EPHA6: variants seen among roughly 807,000 people sequenced by gnomAD.
EPHA6 encodes the protein EPH receptor A6.
In EPHA6, 50 loss-of-function variants were observed where a neutral mutation model predicts 112.0. That is an observed-to-expected ratio of 0.45 (90% CI 0.36 to 0.56). The LOEUF (loss-of-function observed/expected upper bound fraction) is 0.56. EPHA6 is among the 20% of genes least tolerant of loss of function. The probability of loss-of-function intolerance (pLI) is 0.00; values close to 1 mark genes in which losing one functional copy is unlikely to be tolerated. For missense variants in EPHA6, 1,280 were observed against 1,417.4 expected (o/e 0.90, Z 1.56); for synonymous variants, 529 against 490.7 (o/e 1.08, Z -1.03).
intron 3 of EPHA6, among the ~76,000 whole-genome samples, chr3:97,165,892 T>G (rs1463037948): frequency 2.6e-5 from 4 of 152,176 alleles, no homozygotes; most frequent in African/African-American, 7.2e-5. Flanking sequence ...TTGCATTGTG[T>G]CTTGTCCCTA....
intron 4 of EPHA6, among the ~76,000 whole-genome samples, chr3:97,229,048 G>A (rs1285529371): frequency 6.6e-6 from 1 of 152,008 alleles, no homozygotes; most frequent in African/African-American, 2.4e-5. Flanking sequence ...CATGTCCTTT[G>A]CCAACTTTTT....
chr3:97,441,663 TTACA>T (rs1403002831), intron 6 of EPHA6, among the ~76,000 whole-genome samples: 1 of 152,068 alleles, frequency 6.6e-6, no homozygotes, highest in African/African-American at 2.4e-5. Flanking sequence ...TATATAGGTC[TTACA>T]TACTTTTTGT....
intron 5 of EPHA6, among the ~76,000 whole-genome samples, chr3:97,352,314 A>G (rs900521872): frequency 2.0e-5 from 3 of 152,192 alleles, no homozygotes; most frequent in Non-Finnish European, 4.4e-5. Flanking sequence ...TGTACAAGAA[A>G]GCACCTTCAT....
intron 14 of EPHA6, among the ~76,000 whole-genome samples, chr3:97,672,575 G>A (rs2030956639): frequency 6.6e-6 from 1 of 152,014 alleles, no homozygotes. Context: ...ATGATGAAGA[G>A]TGGAAGTGTC....
chr3:97,656,242 G>T (rs1162927591), intron 14 of EPHA6, among the ~76,000 whole-genome samples: 1 of 151,824 alleles, frequency 6.6e-6, no homozygotes, highest in Non-Finnish European at 1.5e-5. Flanking sequence ...TCAAAAAGTT[G>T]GCTGGAGGTC....
intron 11 of EPHA6, among the ~76,000 whole-genome samples, chr3:97,543,772 G>T (rs1056366782): frequency 5.9e-5 from 9 of 151,846 alleles, no homozygotes; most frequent in African/African-American, 2.2e-4. Context: ...TTATTTCCTT[G>T]AGCAGTGGTT....
intron 3 of EPHA6, among the ~76,000 whole-genome samples, chr3:97,183,708 G>A (rs1422996423): frequency 6.6e-6 from 1 of 151,882 alleles, no homozygotes; most frequent in Non-Finnish European, 1.5e-5. Flanking sequence ...GTGGTGTGTG[G>A]GTGTGCACAC....
At chr3:97,394,848 A>G (rs961488370) in intron 5 of EPHA6, among the ~76,000 whole-genome samples, 11 of 151,808 alleles carry the variant, frequency 7.2e-5, no homozygotes, top group African/African-American at 2.4e-4. Flanking sequence ...TAGTACAGCC[A>G]TTATGGAAAG....
chr3:97,288,276 C>T (rs1243275790), intron 5 of EPHA6, among the ~76,000 whole-genome samples: 1 of 152,032 alleles, frequency 6.6e-6, no homozygotes, highest in Non-Finnish European at 1.5e-5. Flanking sequence ...CCTTTGTTGC[C>T]ATCTTTATGT....
intron 4 of EPHA6, among the ~76,000 whole-genome samples, chr3:97,227,656 A>C (rs1385030267): frequency 6.6e-6 from 1 of 152,242 alleles, no homozygotes; most frequent in East Asian, 1.9e-4. Context: ...GTGGTCAAAG[A>C]CACATATTAA....
intron 2 of EPHA6, among the ~76,000 whole-genome samples, chr3:96,899,861 C>G (rs2038507102): frequency 6.6e-6 from 1 of 151,816 alleles, no homozygotes; most frequent in Admixed American, 6.6e-5. Flanking sequence ...TTTCCAATTT[C>G]AGGAAATAAT....
chr3:96,885,154 A>G (rs2037551183), intron 2 of EPHA6, among the ~76,000 whole-genome samples: 1 of 152,104 alleles, frequency 6.6e-6, no homozygotes, highest in Admixed American at 6.6e-5. Flanking sequence ...TTTAGGATGT[A>G]TGTTCATCAA....
chr3:97,664,363 G>C (rs1050059278), intron 14 of EPHA6, among the ~76,000 whole-genome samples: 2 of 152,082 alleles, frequency 1.3e-5, no homozygotes, highest in Non-Finnish European at 2.9e-5. Context: ...GTCAGTTTTG[G>C]CTTTTGTTGC....
At chr3:97,644,466 CAAA>C (rs1269121917) in intron 14 of EPHA6, among the ~76,000 whole-genome samples, 9 of 150,972 alleles carry the variant, frequency 6.0e-5, no homozygotes, top group African/African-American at 1.9e-4. Flanking sequence ...AATAGAGACA[CAAA>C]AAACCCTTCA....
intron 14 of EPHA6, among the ~76,000 whole-genome samples, chr3:97,650,573 C>T (rs576900989): frequency 1.2e-4 from 18 of 151,988 alleles, no homozygotes; most frequent in Non-Finnish European, 2.2e-4. Context: ...CCATCTGGCT[C>T]AGTCATATAT....
intron 5 of EPHA6, among the ~76,000 whole-genome samples, chr3:97,330,367 A>AGTTT (rs2082722140): frequency 6.6e-6 from 1 of 152,114 alleles, no homozygotes; most frequent in South Asian, 2.1e-4. Flanking sequence ...AGTCATTGGT[A>AGTTT]GTTTGATGGG....
At chr3:96,892,215 G>GT (rs1272704064) in intron 2 of EPHA6, among the ~76,000 whole-genome samples, 1 of 151,792 alleles carries the variant, frequency 6.6e-6, no homozygotes, top group Non-Finnish European at 1.5e-5. Flanking sequence ...ACATTATTTG[G>GT]TTTTTTGTTC....
chr3:96,964,765 G>A (rs962413973), intron 2 of EPHA6, among the ~76,000 whole-genome samples: 3 of 152,102 alleles, frequency 2.0e-5, no homozygotes, highest in African/African-American at 7.2e-5. Flanking sequence ...ATATGTATTT[G>A]TGAGTGTGTG....
At chr3:97,570,229 T>C (rs935191936) in intron 11 of EPHA6, among the ~76,000 whole-genome samples, 36 of 152,172 alleles carry the variant, frequency 2.4e-4, no homozygotes, top group Non-Finnish European at 4.4e-4. Flanking sequence ...CCAGGAAAAC[T>C]TTATGGAGAA....
Sources: gnomAD v4.1 joint callset for allele counts (sites outside exome capture counted in the v4.1 genomes callset) on GRCh38, gnomAD v4.1.1 for gene constraint, MANE v1.5 for transcripts, NCBI Gene and HGNC (gene_info 2026-07-23, HGNC 2026-07-21) for gene names.